The following MSI2 variants were observed in gnomAD, a reference collection of about 807,000 sequenced individuals.
MSI2 encodes the protein RNA-binding protein Musashi homolog 2.
Under a neutral mutation model 45.6 loss-of-function variants are expected in MSI2, and 17 were observed. The observed-to-expected ratio is 0.37, with a 90% confidence interval of 0.26 to 0.56. The LOEUF (loss-of-function observed/expected upper bound fraction) is 0.56, where lower values mean the gene tolerates loss of function less well. Ranked by LOEUF, MSI2 falls within the 20% of genes least tolerant of loss-of-function variation. The pLI is 0.77. For synonymous variants in MSI2, 156 were observed against 158.2 expected (o/e 0.99, Z 0.11); for missense variants, 293 against 444.2 (o/e 0.66, Z 3.06).
intron 6 of MSI2, among the ~76,000 whole-genome samples, chr17:57,441,860 AG>A (rs1198723937): frequency 6.6e-6 from 1 of 152,182 alleles, no homozygotes; most frequent in Non-Finnish European, 1.5e-5. Flanking sequence ...TGATGCCTGC[AG>A]GGGTTTCTTT....
chr17:57,290,765 A>G (rs1910334611), intron 5 of MSI2, among the ~76,000 whole-genome samples: 1 of 152,210 alleles, frequency 6.6e-6, no homozygotes, highest in Non-Finnish European at 1.5e-5. Context: ...CTCAGTGTTT[A>G]ATATCTCAGG....
At chr17:57,315,383 A>T (rs1430278378) in intron 5 of MSI2, among the ~76,000 whole-genome samples, 1 of 146,692 alleles carries the variant, frequency 6.8e-6, no homozygotes, top group Non-Finnish European at 1.5e-5. Flanking sequence ...GACGTGGGGC[A>T]TTTGACTCCA....
At chr17:57,659,751 A>G (rs549739233) in intron 11 of MSI2, among the ~76,000 whole-genome samples, 23 of 152,184 alleles carry the variant, frequency 1.5e-4, no homozygotes, top group South Asian at 4.1e-4. Context: ...AAAATAAAAT[A>G]AAAGCCCATG....
At chr17:57,276,812 G>T (rs906489317) in intron 5 of MSI2, among the ~76,000 whole-genome samples, 1 of 152,132 alleles carries the variant, frequency 6.6e-6, no homozygotes, top group African/African-American at 2.4e-5. Flanking sequence ...TGAGTGCCAG[G>T]TAACGGAGGC....
chr17:57,614,888 T>C (rs921541701), intron 8 of MSI2, among the ~76,000 whole-genome samples: 1 of 152,124 alleles, frequency 6.6e-6, no homozygotes, highest in Non-Finnish European at 1.5e-5. Flanking sequence ...ATGAAGAAAT[T>C]TGAGAGTCAG....
chr17:57,633,215 A>G, intron 10 of MSI2: 3 of 1,005,024 alleles, frequency 3.0e-6, no homozygotes, highest in Non-Finnish European at 3.6e-6. Flanking sequence ...TTAGCCTGAC[A>G]GTGTCCTGTT....
chr17:57,262,264 C>T, intron 5 of MSI2, 72 bp downstream of exon 5: 1 of 1,517,888 alleles, frequency 6.6e-7, no homozygotes, highest in Non-Finnish European at 9.1e-7. Flanking sequence ...TTTCAAACAG[C>T]ATTGGCCATG....
intron 10 of MSI2, among the ~76,000 whole-genome samples, chr17:57,633,849 TCTTA>T (rs1230097832): frequency 2.6e-5 from 4 of 152,220 alleles, no homozygotes; most frequent in Non-Finnish European, 5.9e-5. Flanking sequence ...GCACTGATGT[TCTTA>T]CTAAGTCAGC....
At chr17:57,617,720 G>T (rs927743015) in intron 9 of MSI2, among the ~76,000 whole-genome samples, 4 of 152,068 alleles carry the variant, frequency 2.6e-5, no homozygotes, top group African/African-American at 9.7e-5. Flanking sequence ...ATCACTTGAG[G>T]CCAGGAGTTT....
intron 7 of MSI2, among the ~76,000 whole-genome samples, chr17:57,573,114 G>A (rs1346425271): frequency 2.6e-5 from 4 of 152,158 alleles, no homozygotes; most frequent in Non-Finnish European, 2.9e-5. Flanking sequence ...TGTGGTGGGC[G>A]GTACGGTGTT....
intron 6 of MSI2, among the ~76,000 whole-genome samples, chr17:57,445,344 A>G (rs1044244610): frequency 1.3e-5 from 2 of 152,234 alleles, no homozygotes; most frequent in African/African-American, 4.8e-5. Context: ...TTGAAGTCAG[A>G]TGCTGAGCTG....
chr17:57,612,545 G>T (rs1907274091), intron 8 of MSI2, among the ~76,000 whole-genome samples: 1 of 28,322 alleles, frequency 3.5e-5, no homozygotes, highest in Non-Finnish European at 1.1e-4. Context: ...ATGCGCCATG[G>T]CCCCTGGCCT....
At chr17:57,281,999 A>G (rs1029062553) in intron 5 of MSI2, among the ~76,000 whole-genome samples, 3 of 152,300 alleles carry the variant, frequency 2.0e-5, no homozygotes, top group Admixed American at 6.5e-5. Context: ...GAGGATGTCA[A>G]CATTTTAAAT....
intron 7 of MSI2, among the ~76,000 whole-genome samples, chr17:57,557,553 A>G (rs1220394900): frequency 2.6e-5 from 4 of 152,188 alleles, no homozygotes; most frequent in Non-Finnish European, 5.9e-5. Flanking sequence ...CCCAGGGAGA[A>G]CCCTGCCTTG....
chr17:57,543,449 G>A (rs1450413230), intron 7 of MSI2, among the ~76,000 whole-genome samples: 2 of 152,222 alleles, frequency 1.3e-5, no homozygotes, highest in African/African-American at 4.8e-5. Flanking sequence ...GCTTTAGCCA[G>A]GGGTCTGTTG....
At chr17:57,467,990 C>T (rs149817521) in intron 6 of MSI2, among the ~76,000 whole-genome samples, 2,874 of 151,786 alleles carry the variant, frequency 0.019, 42 homozygotes, top group Non-Finnish European at 0.03. Context: ...AAGGTCACCT[C>T]CTTGGCTGTG....
chr17:57,652,011 C>T lies in MSI2; in HGVS notation c.728-88C>T, dbSNP rs1050203286. ...CCCACTCCTGTCTTTGTGTGGAGGG[C>T]GGGGGGTTGTGTGGCCCGTGACCTA... On this transcript the variant is annotated intron_variant, in intron 10 of 13. Transcript: ENST00000284073. This position sits in a 1 kb window ranked among gnomAD's most constrained non-coding sequence, Gnocchi z 4.1. The T allele has an allele frequency of 2.0e-5, 24 of 1,205,348 alleles. No individual in the cohort carries two copies. The highest frequency in any genetic ancestry group is 1.2e-4 in the East Asian group (5 of 42,798). The allele number at this position is 1,205,348 out of a possible 1,614,324, so 74.7% of individuals were successfully genotyped here. A position where few individuals can be genotyped will look rare whatever the true frequency, so the allele number is the denominator to read the frequency against.
intron 9 of MSI2, among the ~76,000 whole-genome samples, chr17:57,619,787 C>T (rs201241782): frequency 6.6e-6 from 1 of 152,188 alleles, no homozygotes; most frequent in East Asian, 1.9e-4. Flanking sequence ...ATATGTGATG[C>T]CTGCCAGGAG....
intron 11 of MSI2, among the ~76,000 whole-genome samples, chr17:57,672,611 G>A (rs538803468): frequency 2.0e-5 from 3 of 152,142 alleles, no homozygotes; most frequent in African/African-American, 4.8e-5. Context: ...TTCACATCCG[G>A]CCAGACAAGA....
Sources: allele counts gnomAD v4.1 joint callset (sites outside exome capture counted in the v4.1 genomes callset), GRCh38; gene constraint gnomAD v4.1.1; non-coding constraint Gnocchi (gnomAD v3.1); transcripts MANE v1.5; gene names NCBI Gene and HGNC (gene_info 2026-07-23, HGNC 2026-07-21).